The following TRIM37 variants were observed in gnomAD, a reference collection of about 807,000 sequenced individuals.
TRIM37 encodes the protein E3 ubiquitin-protein ligase TRIM37.
A neutral mutation model predicts 129.8 loss-of-function variants in TRIM37; 80 were observed. The observed-to-expected ratio is 0.62, with a 90% confidence interval of 0.51 to 0.74. The LOEUF is 0.74. TRIM37 is among the 30% of genes least tolerant of loss of function. The probability of loss-of-function intolerance (pLI) is 0.00; values close to 1 mark genes in which losing one functional copy is unlikely to be tolerated. For synonymous variants in TRIM37, 389 were observed against 387.1 expected, an observed-to-expected ratio of 1.00 and a Z score of -0.06; for missense variants, 1,054 against 1,176.5, an observed-to-expected ratio of 0.90 and a Z score of 1.52.
At chr17:59,040,923 G>T (rs1422366073) in intron 17 of TRIM37, among the ~76,000 whole-genome samples, 1 of 151,910 alleles carries the variant, frequency 6.6e-6, no homozygotes, top group Non-Finnish European at 1.5e-5. Context: ...GCGGGCGCCT[G>T]TAGTCCCAGC....
chr17:58,975,028 T>C, the TRIM37 span, among the ~76,000 whole-genome samples: 1 of 152,214 alleles, frequency 6.6e-6, no homozygotes. Flanking sequence ...TTATTATTAT[T>C]GGTGGGGAAA....
chr17:59,062,172 A>G (rs1274128591), intron 11 of TRIM37, among the ~76,000 whole-genome samples: 2 of 152,210 alleles, frequency 1.3e-5, no homozygotes, highest in Non-Finnish European at 2.9e-5. Flanking sequence ...ATCACCAAAC[A>G]TCTTTAAAGG....
intron 19 of TRIM37, 84 bp from the exon 20 acceptor site, chr17:59,017,508 T>C: frequency 6.3e-7 from 1 of 1,576,474 alleles, no homozygotes; most frequent in East Asian, 2.2e-5. Context: ...AGTTTTAATC[T>C]TACCTTGCAT....
chr17:59,089,689 T>G (rs2044113115), intron 3 of TRIM37, among the ~76,000 whole-genome samples: 1 of 152,230 alleles, frequency 6.6e-6, no homozygotes, highest in South Asian at 2.1e-4. Context: ...ACTAGACACA[T>G]TTCAAGTGAT....
rs962826169 is a variant in TRIM37 at position 58,982,801 on chromosome 17, C to T, written c.*117G>A. ...GTCAACATGGCCCCAACTATAGTGC[C>T]GGAACCTTTTCATCATTCTGAGGCT... is the stretch of plus-strand genomic sequence containing the variant. On this transcript the variant is annotated 3_prime_UTR_variant, in exon 25 of 25. Coordinates refer to the TRIM37 transcript ENST00000393066. 19 of 1,023,220 alleles carry T rather than the reference C, an allele frequency of 1.9e-5. No homozygotes were observed. In the African/African-American group the frequency reaches 2.4e-4, roughly 13 times the overall value. The allele number at this position is 1,023,220 out of a possible 1,614,324, so 63.4% of individuals were successfully genotyped here.
intron 24 of TRIM37, among the ~76,000 whole-genome samples, chr17:58,990,427 G>A (rs2144093354): frequency 6.6e-6 from 1 of 151,862 alleles, no homozygotes; most frequent in East Asian, 1.9e-4. Context: ...GGAGATGGAG[G>A]TTGTAGTGAG....
intron 22 of TRIM37, among the ~76,000 whole-genome samples, chr17:59,005,129 A>T: frequency 6.6e-6 from 1 of 152,174 alleles, no homozygotes. Context: ...TCAAGGCACA[A>T]ATTTGACCTC....
chr17:59,088,646 G>T (rs900751561), intron 3 of TRIM37, among the ~76,000 whole-genome samples: 2 of 151,572 alleles, frequency 1.3e-5, no homozygotes, highest in Admixed American at 6.6e-5. Flanking sequence ...CCTCCTGAGT[G>T]GCTGGGACTA....
At chr17:59,093,166 A>G (rs2044552978) in intron 2 of TRIM37, among the ~76,000 whole-genome samples, 1 of 152,136 alleles carries the variant, frequency 6.6e-6, no homozygotes, top group Non-Finnish European at 1.5e-5. Context: ...TAAAATAAAA[A>G]TAAAATAAAA....
chr17:59,098,109 CAGAAT>C (rs1160295889), intron 2 of TRIM37, among the ~76,000 whole-genome samples: 5 of 151,996 alleles, frequency 3.3e-5, no homozygotes, highest in African/African-American at 1.2e-4. Flanking sequence ...ACTAATAGAA[CAGAAT>C]AGAGAGGTAG....
chr17:59,069,985 T>A (rs912208593), intron 9 of TRIM37, among the ~76,000 whole-genome samples: 2 of 152,200 alleles, frequency 1.3e-5, no homozygotes, highest in African/African-American at 4.8e-5. Context: ...TGTGAGAAAA[T>A]ACATTTCTGT....
intron 24 of TRIM37, among the ~76,000 whole-genome samples, chr17:58,987,274 A>G (rs1165059791): frequency 6.6e-6 from 1 of 152,252 alleles, no homozygotes; most frequent in East Asian, 1.9e-4. Flanking sequence ...GTAGTATGAC[A>G]GCTACAGGAT....
At chr17:58,967,951 G>A in the TRIM37 span, among the ~76,000 whole-genome samples, 1 of 151,910 alleles carries the variant, frequency 6.6e-6, no homozygotes, top group South Asian at 2.1e-4. Context: ...GTACAGGCGC[G>A]TGCCACCACA....
chr17:59,089,619 G>A (rs747318974), intron 3 of TRIM37, among the ~76,000 whole-genome samples: 9 of 152,138 alleles, frequency 5.9e-5, no homozygotes, highest in Non-Finnish European at 8.8e-5. Context: ...CCAGCCTGGC[G>A]AAAGAGTGAG....
the TRIM37 span, among the ~76,000 whole-genome samples, chr17:58,976,700 G>A: frequency 1.3e-5 from 2 of 152,252 alleles, no homozygotes; most frequent in East Asian, 3.9e-4. Context: ...ATTTGGGGGC[G>A]AAATGTCATG....
intron 2 of TRIM37, among the ~76,000 whole-genome samples, chr17:59,095,200 A>G (rs987039098): frequency 7.2e-5 from 11 of 152,042 alleles, no homozygotes; most frequent in African/African-American, 2.7e-4. Flanking sequence ...TGGATGACAG[A>G]GCAAGACTCG....
At chr17:59,053,463 T>C (rs1198078935) in intron 13 of TRIM37, among the ~76,000 whole-genome samples, 1 of 152,216 alleles carries the variant, frequency 6.6e-6, no homozygotes, top group Non-Finnish European at 1.5e-5. Context: ...TCTGTTTTTA[T>C]CTGCCAATTT....
At chr17:59,073,030 T>C (rs905862234) in intron 8 of TRIM37, 1 of 152,232 alleles carries the variant, frequency 6.6e-6, no homozygotes, top group Non-Finnish European at 1.5e-5. Context: ...AAAATCACTG[T>C]GTATATGTAC....
intron 24 of TRIM37, among the ~76,000 whole-genome samples, chr17:58,992,406 G>A (rs2032539975): frequency 6.6e-6 from 1 of 150,816 alleles, no homozygotes; most frequent in Non-Finnish European, 1.5e-5. Flanking sequence ...TTGAGACGGA[G>A]TTTCACTCTT....
Sources: gnomAD v4.1 joint callset for allele counts (sites outside exome capture counted in the v4.1 genomes callset) on GRCh38, gnomAD v4.1.1 for gene constraint, MANE v1.5 for transcripts, NCBI Gene and HGNC (gene_info 2026-07-23, HGNC 2026-07-21) for gene names.